Variants in CELSR1 observed in about 807,000 individuals in gnomAD.
The protein encoded by CELSR1 is cadherin EGF LAG seven-pass G-type receptor 1.
Under a neutral mutation model 249.1 loss-of-function variants are expected in CELSR1, and 110 were observed. The observed-to-expected ratio is 0.44, with a 90% CI of 0.38 to 0.52. The LOEUF is 0.52. Ranked by LOEUF, CELSR1 falls within the 20% of genes least tolerant of loss-of-function variation. The pLI is 0.00. For synonymous variants in CELSR1, 2,113 were observed against 1,900.0 expected, an observed-to-expected ratio of 1.11 and a Z score of -2.92; for missense variants, 4,109 against 4,296.4, an observed-to-expected ratio of 0.96 and a Z score of 1.22.
In CELSR1 at chr22:46,433,316, T is replaced by C. The variant is rs1432177174; in HGVS notation, c.4611+77A>G. 6.3e-6 allele frequency: 7 copies of C among 1,103,228 alleles called. No individual in the cohort carries two copies. Among genetic ancestry groups the C allele is most frequent in the Non-Finnish European group, 8.1e-6 (6 of 742,792 alleles). 68.3% of individuals were successfully genotyped at this position (1,103,228 alleles called of 1,614,324 possible). A position where few individuals can be genotyped will look rare whatever the true frequency, so the allele number is the denominator to read the frequency against. ...TCTCAAAGTGCTGGGATTACAGGCG[T>C]GAGCCACTGCGCCTCGCCCCAGGGC... On this transcript the variant is annotated intron_variant, in intron 5 of 34. Transcript: ENST00000674500. This position sits in a 1 kb window ranked among gnomAD's most constrained non-coding sequence, Gnocchi z 5.7.
Position 46,364,012 on chromosome 22 carries a change from C to T in CELSR1, c.9019G>A (p.Asp3007Asn), listed in dbSNP as rs748964134. 2.1e-5 allele frequency: 34 copies of T among 1,607,136 alleles called. No homozygotes were observed. Among genetic ancestry groups the T allele is most frequent in the African/African-American group, 1.2e-4 (9 of 74,630 alleles). Residue 3007 changes from aspartate (D) to asparagine (N), a missense_variant, in exon 34 of 35, where the codon GAT becomes AAT. Physicochemically the swap from Asp to Asn is conservative, Grantham distance 23. Transcript: ENST00000674500. ...MNVRTGSAQA[D>N]GSDSEGSNET... ...GCTACTCACTCAGAGTCGGAGCCAT[C>T]GGCCTGGGCGCTCCCAGTGCGCACA...
At position 46,412,115 on chromosome 22, in the gene CELSR1, G is replaced by A. The variant is rs994214518; in HGVS notation, c.4612-356C>T. 4.6e-5 allele frequency among the ~76,000 whole-genome samples: 7 copies of A among 152,338 alleles called. No individual in the cohort carries two copies. Among genetic ancestry groups the A allele is most frequent in the Non-Finnish European group, 7.4e-5 (5 of 68,026 alleles). On this transcript the variant is annotated intron_variant, in intron 5 of 34. Coordinates refer to ENST00000674500, the MANE Select transcript of CELSR1 (RefSeq NM_001378328.1). This position sits in a 1 kb window ranked among gnomAD's most constrained non-coding sequence, Gnocchi z 4.5. ...GCAAAGGCACACAGGGAGAAGCTGCGTGACCGCGGAGGCAGCTGCTGGAGC... is the reference window on the plus strand; with the variant it reads ...GCAAAGGCACACAGGGAGAAGCTGCATGACCGCGGAGGCAGCTGCTGGAGC...
At chr22:46,420,313 C>T (rs1569150691) in intron 5 of CELSR1, among the ~76,000 whole-genome samples, 1 of 147,296 alleles carries the variant, frequency 6.8e-6, no homozygotes, top group South Asian at 2.1e-4. Context: ...TGTGCACTCA[C>T]GTATGCACTC....
At position 46,532,848 on chromosome 22, in the gene CELSR1, C is replaced by T. The variant is rs1367603004; in HGVS notation, c.3544+779G>A. The stretch of plus-strand genomic sequence containing the variant: ...CCTCCCCAGCACCGCAGACCAGCCC[C>T]GGCACACAGGGTCAGAGGCATAGAG... On this transcript the variant is annotated intron_variant, in intron 1 of 34. Coordinates refer to ENST00000674500, the MANE Select transcript of CELSR1 (RefSeq NM_001378328.1). Among the ~76,000 whole-genome samples the T allele has an allele frequency of 3.9e-5, 6 of 152,104 alleles. No individual in the cohort carries two copies. The South Asian group carries it at 1.0e-3, about 26-fold the overall frequency.
At chr22:46,452,571 G>A (rs2079898819) in intron 2 of CELSR1, among the ~76,000 whole-genome samples, 1 of 152,208 alleles carries the variant, frequency 6.6e-6, no homozygotes, top group Non-Finnish European at 1.5e-5. Flanking sequence ...CACCAACCTG[G>A]GTACAGAACC....
rs772609365 is a variant in CELSR1 at position 46,535,184 on chromosome 22, C to T, written c.1987G>A (p.Gly663Ser). 2 of 1,608,722 alleles carry T rather than the reference C, an allele frequency of 1.2e-6. No homozygotes were observed. Among genetic ancestry groups the T allele is most frequent in the Non-Finnish European group, 8.5e-7 (1 of 1,179,696 alleles). The stretch of plus-strand genomic sequence containing the variant: ...GTGGAGGAGCTCATGGGGGGCGAGC[C>T]GTGGTCCACCGCCTCCACCCCGAAG... ...YSFGVEAVDH[G>S]SPPMSSSTSV... is the part of the protein sequence containing the mutation. The change falls in exon 1 of 35, where the codon GGC (glycine) becomes AGC (serine). Residue 663 changes from glycine to serine, a missense_variant. Transcript: ENST00000674500.
chr22:46,365,716 A>C (rs755914412), intron 30 of CELSR1, 27 bp from the exon 31 acceptor site: 9 of 1,527,186 alleles, frequency 5.9e-6, no homozygotes, highest in Middle Eastern at 1.7e-4. Flanking sequence ...GGGTGGGCTC[A>C]GTATCATCCG....
At position 46,511,077 on chromosome 22, in the gene CELSR1, G is replaced by A. The variant is rs148700192; in HGVS notation, c.3544+22550C>T. On this transcript the variant is annotated intron_variant, in intron 1 of 34. Transcript: ENST00000674500. Reference sequence around the variant, plus strand: ...TGCAGTGAGCTGAGATCGTGTCATCGCACTCCAGCCTGGATGACAGATCAA... The same window carrying A: ...TGCAGTGAGCTGAGATCGTGTCATCACACTCCAGCCTGGATGACAGATCAA... 7.6e-3 allele frequency among the ~76,000 whole-genome samples: 1,149 copies of A among 151,894 alleles called. 19 individuals carry two copies. The highest frequency in any genetic ancestry group is 0.026 in the African/African-American group (1,062 of 41,408).
In CELSR1 at chr22:46,378,725, G is replaced by A. The variant is rs370708487; in HGVS notation, c.7257-8C>T. On this transcript the variant is annotated splice_polypyrimidine_tract_variant and splice_region_variant and intron_variant, in intron 22 of 34. Transcript: ENST00000674500. ...CCTCCCGTCCCACCAACGCTGCGGA[G>A]AGGACAGAGAAGGGGCAGGGGTAAG... The A allele has an allele frequency of 6.8e-6, 11 of 1,610,618 alleles. No homozygotes were observed. The African/African-American group carries it at 9.3e-5, about 14-fold the overall frequency.
rs1475357093 is a variant in CELSR1, at chr22:46,481,463, T to C, written c.3545-17118A>G. ...TGAAGCTCCTTACTCCCAGCATCTA[T>C]TGAATCTTTGGCTTTGTCGTTGCAA... On this transcript the variant is annotated intron_variant, in intron 1 of 34. Transcript: ENST00000674500. 1.0e-5 allele frequency: 16 copies of C among 1,579,478 alleles called. No homozygotes were observed. The Admixed American group carries it at 1.9e-4, about 19-fold the overall frequency.
chr22:46,378,768 T>A, intron 22 of CELSR1, 51 bp from the exon 23 acceptor site: 1 of 1,582,976 alleles, frequency 6.3e-7, no homozygotes, highest in South Asian at 1.1e-5. Flanking sequence ...CCTCTGCCCA[T>A]GAGTCTGTAA....
chr22:46,470,118 T>G (rs1427373088), intron 1 of CELSR1, among the ~76,000 whole-genome samples: 1 of 125,522 alleles, frequency 8.0e-6, no homozygotes, highest in African/African-American at 3.6e-5. Context: ...CCTGTTTGAC[T>G]TTTTTTTTTT....
In CELSR1 at chr22:46,536,893, A is replaced by C. The variant is rs2080864445; in HGVS notation, c.278T>G (p.Val93Gly). ...GRPLPLQVRL[V>G]ARSAPTALSR... ...CAGCGCCGTCGGGGCACTGCGGGCCACCAAGCGGACTTGCAGCGGCAGCGG... is the reference window on the plus strand; with the variant it reads ...CAGCGCCGTCGGGGCACTGCGGGCCCCCAAGCGGACTTGCAGCGGCAGCGG... The change falls in exon 1 of 35, where the codon GTG becomes GGG. Residue 93 changes from valine to glycine, a missense_variant. Around this residue, in one of 7 missense-constraint regions of CELSR1, gnomAD observed 673 missense variants for 636.8 expected, o/e 1.06. Transcript: ENST00000674500. The C allele has an allele frequency of 8.2e-7, 1 of 1,221,166 alleles. No individual in the cohort carries two copies. Among genetic ancestry groups the C allele is most frequent in the African/African-American group, 1.6e-5 (1 of 61,922 alleles). The allele number at this position is 1,221,166 out of a possible 1,614,324, so 75.6% of individuals were successfully genotyped here. A position where few individuals can be genotyped will look rare whatever the true frequency, so the allele number is the denominator to read the frequency against.
Position 46,367,031 on chromosome 22 carries a change from G to T in CELSR1, c.8167C>A (p.Leu2723Met). 1 of 1,610,806 alleles carries T rather than the reference G, an allele frequency of 6.2e-7. No homozygotes were observed. Among genetic ancestry groups the T allele is most frequent in the Non-Finnish European group, 8.5e-7 (1 of 1,179,580 alleles). Residue 2723 changes from leucine to methionine, a missense_variant, in exon 29 of 35, where the codon CTG (leucine) becomes ATG (methionine). Leu to Met is a conservative substitution (Grantham distance 15). Coordinates refer to ENST00000674500, the MANE Select transcript of CELSR1 (RefSeq NM_001378328.1). ...GCCCTGGTGGTGGCGGAGTCCTCCA[G>T]GTGCAGCTTCCTCCCGCCGAGCACG... is the stretch of plus-strand genomic sequence containing the variant. ...KGVLGGRKLH[L>M]EDSATTRATL...
At chr22:46,525,287 T>A (rs4823558) in intron 1 of CELSR1, among the ~76,000 whole-genome samples, 2 of 151,952 alleles carry the variant, frequency 1.3e-5, no homozygotes, top group African/African-American at 4.8e-5. Context: ...CCATGTCTAC[T>A]AAAAATACAA....
At chr22:46,533,595 G>A in intron 1 of CELSR1, 32 bp downstream of exon 1, 1 of 1,524,204 alleles carries the variant, frequency 6.6e-7, no homozygotes, top group Non-Finnish European at 8.8e-7. Flanking sequence ...GGCCCATCAG[G>A]AGCTACTCCT....
At position 46,395,290 on chromosome 22, in the gene CELSR1, C is replaced by A. The variant is rs759052545; in HGVS notation, c.5844-1028G>T. ...CCCCTGCTCCAAGCTGTGCTCCATG[C>A]GGCAGGTGGGGGTTCCCTAAGACCA... is the stretch of plus-strand genomic sequence containing the variant. On this transcript the variant is annotated intron_variant, in intron 13 of 34. Coordinates refer to ENST00000674500, the MANE Select transcript of CELSR1 (RefSeq NM_001378328.1). The surrounding 1 kb of genome is among the most constrained non-coding windows in gnomAD (Gnocchi z 5.5). Among the ~76,000 whole-genome samples, 19 of 152,124 alleles carry A rather than the reference C, an allele frequency of 1.2e-4. No homozygotes were observed. The highest frequency in any genetic ancestry group is 1.0e-3 in the Admixed American group (16 of 15,280).
chr22:46,414,544 C>G (rs2079375801), intron 5 of CELSR1, among the ~76,000 whole-genome samples: 1 of 150,160 alleles, frequency 6.7e-6, no homozygotes, highest in Non-Finnish European at 1.5e-5. Flanking sequence ...ACCGTCCACT[C>G]TCCCGCCTCT....
chr22:46,537,172 G>A lies in CELSR1; in HGVS notation c.-2C>T. ...CACGGGCGGCGGCGGCGGCGCCATG[G>A]CCCGGAGCCCGAGCCCGAGCCGGGC... On this transcript the variant is annotated 5_prime_UTR_variant, in exon 1 of 35. Transcript: ENST00000674500. This position sits in a 1 kb window ranked among gnomAD's most constrained non-coding sequence, Gnocchi z 5.8. 3.0e-6 allele frequency: 3 copies of A among 1,016,290 alleles called. No individual in the cohort carries two copies. The highest frequency in any genetic ancestry group is 3.5e-6 in the Non-Finnish European group (3 of 852,882). 63.0% of individuals were successfully genotyped at this position (1,016,290 alleles called of 1,614,324 possible). A position where few individuals can be genotyped will look rare whatever the true frequency, so the allele number is the denominator to read the frequency against.
Sources: allele counts gnomAD v4.1 joint callset (sites outside exome capture counted in the v4.1 genomes callset), GRCh38; gene constraint gnomAD v4.1.1; regional missense constraint gnomAD v4.1.1; non-coding constraint Gnocchi (gnomAD v3.1); transcripts MANE v1.5; gene names NCBI Gene and HGNC (gene_info 2026-07-23, HGNC 2026-07-21).